The following SIM1 variants were observed in gnomAD, a reference collection of about 807,000 sequenced individuals.
SIM1 encodes the protein single-minded homolog 1.
SIM1 carries 18 observed loss-of-function variants against 78.2 expected under a neutral mutation model. The observed-to-expected ratio is 0.23, with a 90% CI of 0.16 to 0.34. SIM1 has a LOEUF of 0.34. SIM1 is among the 10% of genes least tolerant of loss of function. The probability of loss-of-function intolerance (pLI) is 1.00; values close to 1 mark genes in which losing one functional copy is unlikely to be tolerated. For missense variants in SIM1, 939 were observed against 975.1 expected, an observed-to-expected ratio of 0.96 and a Z score of 0.49; for synonymous variants, 417 against 385.2, an observed-to-expected ratio of 1.08 and a Z score of -0.97.
At position 100,390,338 on chromosome 6, in the gene SIM1, G is replaced by A. The variant is rs747851620; in HGVS notation, c.*23C>T. 2 of 1,599,178 alleles carry A rather than the reference G, an allele frequency of 1.3e-6. No homozygotes were observed. Among genetic ancestry groups the A allele is most frequent in the South Asian group, 2.3e-5 (2 of 87,830 alleles). On this transcript the variant is annotated 3_prime_UTR_variant, in exon 12 of 12. Transcript: ENST00000369208. ...TAAATATGTTTCAGAGATCCTTAAA[G>A]AACAAAATATTTCAGCAAAACATCA...
At chr6:100,434,380 G>T (rs993773407) in intron 9 of SIM1, among the ~76,000 whole-genome samples, 7 of 152,160 alleles carry the variant, frequency 4.6e-5, no homozygotes, top group African/African-American at 1.7e-4. Context: ...TCTCTTAACG[G>T]CCTATCAAAA....
chr6:100,438,906 G>A (rs1214282876), intron 9 of SIM1, among the ~76,000 whole-genome samples: 2 of 152,276 alleles, frequency 1.3e-5, no homozygotes, highest in East Asian at 1.9e-4. Context: ...TAAGAGCTAA[G>A]CTATGAAGAC....
chr6:100,395,850 C>CA (rs1474968623), intron 10 of SIM1, among the ~76,000 whole-genome samples: 1 of 152,146 alleles, frequency 6.6e-6, no homozygotes, highest in Non-Finnish European at 1.5e-5. Context: ...CAAAGTATGC[C>CA]AATATAGCAT....
At chr6:100,396,024 G>A (rs186002741) in intron 10 of SIM1, 2 of 906,964 alleles carry the variant, frequency 2.2e-6, no homozygotes, top group East Asian at 2.4e-4. Context: ...TTGTAGAATA[G>A]GAGACATCAA....
chr6:100,412,542 GAAAGAAAGAAAGAAAAGAAAGAAA>G (rs1771218500), intron 10 of SIM1, among the ~76,000 whole-genome samples: 1 of 70,656 alleles, frequency 1.4e-5, no homozygotes, highest in African/African-American at 5.4e-5. Context: ...GTCTAAGAAA[GAAAGAAAGAAAGAAAAGAAAGAAA>G]GAAAGAAAGA....
At chr6:100,443,470 C>A (rs963782222) in intron 9 of SIM1, among the ~76,000 whole-genome samples, 5 of 152,054 alleles carry the variant, frequency 3.3e-5, no homozygotes, top group Non-Finnish European at 7.4e-5. Context: ...ATTGTATTAG[C>A]TTGCAAGTCT....
chr6:100,412,731 G>T (rs1188751503), intron 10 of SIM1, among the ~76,000 whole-genome samples: 2 of 137,248 alleles, frequency 1.5e-5, no homozygotes, highest in Non-Finnish European at 3.1e-5. Flanking sequence ...AAGAAAGAAA[G>T]AAAGAAAGAA....
At chr6:100,409,394 T>G (rs1376065636) in intron 10 of SIM1, among the ~76,000 whole-genome samples, 1 of 151,572 alleles carries the variant, frequency 6.6e-6, no homozygotes, top group Non-Finnish European at 1.5e-5. Context: ...ATATTTCCTC[T>G]TCCATTTATA....
At chr6:100,447,724 C>CTCTG (rs957043786) in intron 8 of SIM1, among the ~76,000 whole-genome samples, 1 of 152,332 alleles carries the variant, frequency 6.6e-6, no homozygotes, top group Admixed American at 6.5e-5. Flanking sequence ...GGAAGTAAGG[C>CTCTG]TCTGGGCAGC....
At chr6:100,445,952 C>A (rs1772342377) in intron 9 of SIM1, among the ~76,000 whole-genome samples, 1 of 151,964 alleles carries the variant, frequency 6.6e-6, no homozygotes, top group Non-Finnish European at 1.5e-5. Flanking sequence ...TCATGAAACC[C>A]AAAATGTTGG....
chr6:100,428,701 G>A (rs1212046874), intron 9 of SIM1, among the ~76,000 whole-genome samples: 1 of 149,530 alleles, frequency 6.7e-6, no homozygotes, highest in Non-Finnish European at 1.5e-5. Context: ...AAGACCCCTA[G>A]TGGGTGCCTG....
At chr6:100,412,277 C>T (rs920383503) in intron 10 of SIM1, among the ~76,000 whole-genome samples, 6 of 152,024 alleles carry the variant, frequency 3.9e-5, no homozygotes, top group Non-Finnish European at 8.8e-5. Flanking sequence ...TAGCTTGCGC[C>T]TGTTATCCCA....
intron 2 of SIM1, among the ~76,000 whole-genome samples, chr6:100,456,206 A>T (rs982891222): frequency 2.0e-5 from 3 of 152,106 alleles, no homozygotes; most frequent in African/African-American, 7.2e-5. Flanking sequence ...ATATCGAAGG[A>T]ACCTCCCCAA....
rs868513102 is a variant in SIM1 at position 100,412,554 on chromosome 6, G to A, written c.1167+8236C>T. Among the ~76,000 whole-genome samples the A allele has an allele frequency of 1.2e-3, 64 of 52,986 alleles. 1 individual carries two copies. The highest frequency in any genetic ancestry group is 4.6e-3 in the African/African-American group (62 of 13,414). 34.8% of individuals were successfully genotyped at this position (52,986 alleles called of 152,430 possible). ...TCTGTCTAAGAAAGAAAGAAAGAAA[G>A]AAAAGAAAGAAAGAAAGAAAGAAAG... is the stretch of plus-strand genomic sequence containing the variant. On this transcript the variant is annotated intron_variant, in intron 10 of 11. Coordinates refer to ENST00000369208, the MANE Select transcript of SIM1 (RefSeq NM_005068.3).
At chr6:100,449,999 A>G (rs1772468337) in intron 4 of SIM1, among the ~76,000 whole-genome samples, 2 of 152,224 alleles carry the variant, frequency 1.3e-5, no homozygotes, top group South Asian at 4.1e-4. Flanking sequence ...AGACATCATG[A>G]AATAAGTATG....
intron 11 of SIM1, among the ~76,000 whole-genome samples, chr6:100,393,162 C>G (rs957838035): frequency 6.6e-6 from 1 of 151,962 alleles, no homozygotes; most frequent in Admixed American, 6.5e-5. Context: ...ATTTGAAGCA[C>G]GAAAATACAA....
chr6:100,412,602 A>AG (rs370084541), intron 10 of SIM1, among the ~76,000 whole-genome samples: 1 of 117,384 alleles, frequency 8.5e-6, no homozygotes, highest in African/African-American at 3.2e-5. Context: ...AAAGAAAGAA[A>AG]GAAAGAAAGG....
chr6:100,455,052 C>G (rs1772611453), intron 2 of SIM1, among the ~76,000 whole-genome samples: 1 of 152,050 alleles, frequency 6.6e-6, no homozygotes, highest in East Asian at 1.9e-4. Context: ...GAACACTCGC[C>G]TTGTAATATG....
intron 1 of SIM1, among the ~76,000 whole-genome samples, chr6:100,464,393 T>A (rs1772937261): frequency 6.6e-6 from 1 of 152,128 alleles, no homozygotes; most frequent in South Asian, 2.1e-4. Context: ...AAGTGACACT[T>A]ACACACCAAG....
Sources: gnomAD v4.1 joint callset for allele counts (sites outside exome capture counted in the v4.1 genomes callset) on GRCh38, gnomAD v4.1.1 for gene constraint, MANE v1.5 for transcripts, NCBI Gene and HGNC (gene_info 2026-07-23, HGNC 2026-07-21) for gene names.